Variants in RNF111 observed in about 807,000 individuals in gnomAD.
RNF111 encodes ring finger protein 111.
A neutral mutation model predicts 95.1 loss-of-function variants in RNF111; 17 were observed. The ratio of observed to expected loss-of-function variants is 0.18; its 90% CI spans 0.12 to 0.27. The LOEUF is 0.27. Among genes scored for constraint, RNF111 ranks in the 10% least tolerant of loss-of-function variants. The pLI, the probability that RNF111 is intolerant of heterozygous loss-of-function variation, is 1.00. For synonymous variants in RNF111, 440 were observed against 414.8 expected (o/e 1.06, Z -0.74); for missense variants, 1,189 against 1,210.4 (o/e 0.98, Z 0.26).
chr15:59,020,087 G>A (rs997731887), intron 1 of RNF111, among the ~76,000 whole-genome samples: 5 of 148,334 alleles, frequency 3.4e-5, no homozygotes, highest in Non-Finnish European at 5.9e-5. Context: ...TTTATATTTT[G>A]TGTTATATAA....
At chr15:59,049,021 A>C (rs2041842744) in intron 2 of RNF111, among the ~76,000 whole-genome samples, 1 of 152,074 alleles carries the variant, frequency 6.6e-6, no homozygotes, top group South Asian at 2.1e-4. Flanking sequence ...GGATCACTGG[A>C]GCCCAGGAGA....
chr15:59,016,733 G>A (rs1386404551), intron 1 of RNF111, among the ~76,000 whole-genome samples: 2 of 152,084 alleles, frequency 1.3e-5, no homozygotes, highest in Non-Finnish European at 2.9e-5. Context: ...CCTGGGCCAC[G>A]GACTGGTACC....
At chr15:59,051,896 C>A (rs2042003860) in intron 2 of RNF111, among the ~76,000 whole-genome samples, 1 of 151,518 alleles carries the variant, frequency 6.6e-6, no homozygotes, top group East Asian at 1.9e-4. Context: ...ATGAAAACAA[C>A]CTTGGAAAAA....
chr15:59,093,674 T>G (rs1486343109), intron 13 of RNF111, among the ~76,000 whole-genome samples: 2 of 152,160 alleles, frequency 1.3e-5, no homozygotes, highest in African/African-American at 4.8e-5. Context: ...TTCTTCCTGT[T>G]CTTTTTTTTA....
At chr15:59,029,979 A>G (rs1288800740) in intron 1 of RNF111, among the ~76,000 whole-genome samples, 1 of 152,160 alleles carries the variant, frequency 6.6e-6, no homozygotes, top group Admixed American at 6.5e-5. Context: ...AATATATTTC[A>G]TTTTGAGTCA....
At chr15:59,034,046 G>A (rs1225636828) in intron 2 of RNF111, among the ~76,000 whole-genome samples, 3 of 152,148 alleles carry the variant, frequency 2.0e-5, no homozygotes, top group African/African-American at 4.8e-5. Context: ...ATCCTCCAGT[G>A]TTACTATTAA....
chr15:58,995,294 A>G (rs1356256594), intron 1 of RNF111, among the ~76,000 whole-genome samples: 2 of 152,156 alleles, frequency 1.3e-5, no homozygotes, highest in African/African-American at 4.8e-5. Flanking sequence ...ACATTCTTTT[A>G]TAAGGAAGAG....
intron 10 of RNF111, 139 bp downstream of exon 10, chr15:59,085,924 A>G: frequency 1.3e-6 from 1 of 765,344 alleles, no homozygotes; most frequent in Non-Finnish European, 2.0e-6. Context: ...ATTGTGCTAT[A>G]AAAAGGTATT....
chr15:59,061,164 A>C (rs571950330), intron 5 of RNF111, among the ~76,000 whole-genome samples: 1 of 152,170 alleles, frequency 6.6e-6, no homozygotes, highest in Non-Finnish European at 1.5e-5. Flanking sequence ...GAATATTCCA[A>C]AAACTTTTAT....
chr15:59,088,999 A>G lies in RNF111; in HGVS notation c.2551-668A>G, dbSNP rs532524412. On this transcript the variant is annotated intron_variant, in intron 10 of 13. Coordinates refer to ENST00000348370, the MANE Select transcript of RNF111 (RefSeq NM_017610.8). ...TGGCACTAAACAGTCTGCAAACAAG[A>G]CACTGGTTTATAGTAGGAGCTCAAA... is the stretch of plus-strand genomic sequence containing the variant. Among the ~76,000 whole-genome samples, 49 of 152,260 alleles carry G rather than the reference A, an allele frequency of 3.2e-4. No homozygotes were observed. The South Asian group carries it at 0.01, about 32-fold the overall frequency.
intron 2 of RNF111, among the ~76,000 whole-genome samples, chr15:59,051,983 A>G (rs2042008039): frequency 6.6e-6 from 1 of 152,136 alleles, no homozygotes; most frequent in African/African-American, 2.4e-5. Context: ...TACAAGATCT[A>G]TAATATACTA....
At chr15:59,052,885 C>T (rs1380351484) in intron 3 of RNF111, among the ~76,000 whole-genome samples, 2 of 152,068 alleles carry the variant, frequency 1.3e-5, no homozygotes, top group Non-Finnish European at 2.9e-5. Context: ...TCTGAATAAA[C>T]AATAATTTTA....
intron 1 of RNF111, among the ~76,000 whole-genome samples, chr15:59,010,113 A>G (rs1415566889): frequency 6.6e-6 from 1 of 152,226 alleles, no homozygotes; most frequent in African/African-American, 2.4e-5. Context: ...ATCATGGCTA[A>G]AAACAGATTT....
intron 1 of RNF111, among the ~76,000 whole-genome samples, chr15:59,010,351 T>G (rs1474500348): frequency 6.6e-6 from 1 of 152,220 alleles, no homozygotes; most frequent in Non-Finnish European, 1.5e-5. Flanking sequence ...CAGCTGTGTC[T>G]GTCTTGATAG....
chr15:59,003,002 A>T, intron 1 of RNF111, among the ~76,000 whole-genome samples: 1 of 152,056 alleles, frequency 6.6e-6, no homozygotes, highest in Non-Finnish European at 1.5e-5. Context: ...CTTTTTTGTG[A>T]TAAGATCTCA....
chr15:58,996,992 C>T (rs1674954446), intron 1 of RNF111, among the ~76,000 whole-genome samples: 2 of 152,124 alleles, frequency 1.3e-5, no homozygotes, highest in African/African-American at 4.8e-5. Context: ...AAGTAGTATG[C>T]TTATATTTGT....
intron 10 of RNF111, among the ~76,000 whole-genome samples, 182 bp from the exon 11 acceptor site, chr15:59,089,485 A>G (rs2078989282): frequency 6.6e-6 from 1 of 152,224 alleles, no homozygotes; most frequent in African/African-American, 2.4e-5. Context: ...GAGTTAGGTT[A>G]TATTTTAACA....
At chr15:58,992,194 G>A (rs969734871) in intron 1 of RNF111, among the ~76,000 whole-genome samples, 1 of 152,204 alleles carries the variant, frequency 6.6e-6, no homozygotes, top group East Asian at 1.9e-4. Flanking sequence ...ACAGGAGCGC[G>A]CCACCACGCC....
At chr15:59,082,698 C>A (rs79990266) in intron 8 of RNF111, among the ~76,000 whole-genome samples, 1 of 152,064 alleles carries the variant, frequency 6.6e-6, no homozygotes, top group Non-Finnish European at 1.5e-5. Flanking sequence ...AGAGAACATA[C>A]GGCCTGTAGA....
Sources: gnomAD v4.1 joint callset for allele counts (sites outside exome capture counted in the v4.1 genomes callset) on GRCh38, gnomAD v4.1.1 for gene constraint, MANE v1.5 for transcripts, NCBI Gene and HGNC (gene_info 2026-07-23, HGNC 2026-07-21) for gene names.